The following FOXO3 variants were observed in gnomAD, a reference collection of about 807,000 sequenced individuals.
FOXO3 encodes the protein forkhead box protein O3.
A neutral mutation model predicts 41.9 loss-of-function variants in FOXO3; 4 were observed. That is an observed-to-expected ratio of 0.10 (90% CI 0.05 to 0.22). The LOEUF (loss-of-function observed/expected upper bound fraction) is 0.22, where lower values mean the gene tolerates loss of function less well. Ranked by LOEUF, FOXO3 falls within the 10% of genes least tolerant of loss-of-function variation. FOXO3 has a pLI of 1.00. For missense variants in FOXO3, 534 were observed against 906.8 expected (o/e 0.59, Z 5.28); for synonymous variants, 318 against 389.3 (o/e 0.82, Z 2.16).
In FOXO3 at chr6:108,647,240, AC is replaced by A. The variant is rs752339383; in HGVS notation, c.622-16212del. 1.3e-4 allele frequency among the ~76,000 whole-genome samples: 20 copies of A among 152,304 alleles called. 1 individual carries two copies. The Middle Eastern group carries it at 0.01, about 78-fold the overall frequency. ...GCTTTGGCCAAATTCTTTGGCAGCT[AC>A]CCTAGACTGGAAGCATTAAAAATTG... On this transcript the variant is annotated intron_variant, in intron 1 of 2. Transcript: ENST00000406360.
At chr6:108,652,730 T>C (rs1778580184) in intron 1 of FOXO3, among the ~76,000 whole-genome samples, 1 of 152,256 alleles carries the variant, frequency 6.6e-6, no homozygotes, top group Admixed American at 6.5e-5. Context: ...CATACATGAA[T>C]TTCCTTCAGA....
intron 1 of FOXO3, among the ~76,000 whole-genome samples, chr6:108,562,452 G>C (rs1582722256): frequency 6.6e-6 from 1 of 152,086 alleles, no homozygotes; most frequent in Non-Finnish European, 1.5e-5. Flanking sequence ...TTTTCTTCTC[G>C]GAGATGTCGC....
intron 1 of FOXO3, among the ~76,000 whole-genome samples, chr6:108,661,588 T>A (rs1778866866): frequency 6.6e-6 from 1 of 152,204 alleles, no homozygotes; most frequent in African/African-American, 2.4e-5. Context: ...ACACCCTGAC[T>A]TCATAGCATG....
intron 2 of FOXO3, among the ~76,000 whole-genome samples, chr6:108,670,736 C>G (rs1043368808): frequency 1.3e-5 from 2 of 152,166 alleles, no homozygotes; most frequent in African/African-American, 4.8e-5. Context: ...TAGAGTTTTG[C>G]TGAAAGGAGT....
rs549893932 is a variant in FOXO3, at chr6:108,656,424, A to C, written c.622-7031A>C. The C allele has an allele frequency of 1.6e-5, 16 of 985,262 alleles. No homozygotes were observed. In the Admixed American group the frequency reaches 8.0e-4, roughly 49 times the overall value. 61.0% of individuals were successfully genotyped at this position (985,262 alleles called of 1,614,324 possible). A position where few individuals can be genotyped will look rare whatever the true frequency, so the allele number is the denominator to read the frequency against. ...AGGGTACAAAATTTAAGAAATTACCAGTTACTTCTGACTGGCACGGCACCT... is the reference window on the plus strand; with the variant it reads ...AGGGTACAAAATTTAAGAAATTACCCGTTACTTCTGACTGGCACGGCACCT... On this transcript the variant is annotated intron_variant, in intron 1 of 2. Transcript: ENST00000406360.
chr6:108,566,885 G>A (rs1775960473), intron 1 of FOXO3, among the ~76,000 whole-genome samples: 1 of 152,226 alleles, frequency 6.6e-6, no homozygotes. Context: ...TATACAGTAA[G>A]TGAATGAAAG....
At chr6:108,581,189 A>G (rs922871126) in intron 1 of FOXO3, among the ~76,000 whole-genome samples, 2 of 152,194 alleles carry the variant, frequency 1.3e-5, no homozygotes, top group African/African-American at 4.8e-5. Flanking sequence ...TCTGCTTCAC[A>G]GTTTAAATTA....
chr6:108,595,861 G>A (rs1400937633), intron 1 of FOXO3, among the ~76,000 whole-genome samples: 3 of 152,160 alleles, frequency 2.0e-5, no homozygotes, highest in Non-Finnish European at 4.4e-5. Flanking sequence ...TACCTTGTTA[G>A]TGATGAGTTT....
rs959005245 is a variant in FOXO3 at position 108,561,030 on chromosome 6, G to A, written c.-179G>A. ...CAGCGGGCGAGGACTCGCCGAGGACGGGGCTCCGGCCCGGGATAACCAACT... is the reference window on the plus strand; with the variant it reads ...CAGCGGGCGAGGACTCGCCGAGGACAGGGCTCCGGCCCGGGATAACCAACT... On this transcript the variant is annotated 5_prime_UTR_variant, in exon 1 of 3. Coordinates refer to ENST00000406360, the MANE Select transcript of FOXO3 (RefSeq NM_001455.4). 2.9e-6 allele frequency: 4 copies of A among 1,384,678 alleles called. No homozygotes were observed. The highest frequency in any genetic ancestry group is 3.9e-5 in the Admixed American group (1 of 25,724). 85.8% of individuals were successfully genotyped at this position (1,384,678 alleles called of 1,614,324 possible).
rs375218005 is a variant in FOXO3, at chr6:108,631,627, G to A, written c.622-31828G>A. Among the ~76,000 whole-genome samples the A allele has an allele frequency of 2.8e-4, 42 of 151,492 alleles. No homozygotes were observed. In the East Asian group the frequency reaches 7.0e-3, roughly 25 times the overall value. On this transcript the variant is annotated intron_variant, in intron 1 of 2. Transcript: ENST00000406360. ...TGACATTTTTCCCCCCTTTCCTCTC[G>A]TGAGGACTTTAAAGCAAATCCCAGG...
intron 2 of FOXO3, among the ~76,000 whole-genome samples, chr6:108,678,890 T>TTTTTTTTTTTTTTTTTTTTTTTTTTTTTC (rs368405598): frequency 8.7e-6 from 1 of 115,334 alleles, no homozygotes; most frequent in Admixed American, 1.1e-4. Flanking sequence ...TTTTTTTTTT[T>TTTTTTTTTTTTTTTTTTTTTTTTTTTTTC]TGAGACGGAG....
At chr6:108,561,886 G>A (rs1775804188) in intron 1 of FOXO3, 57 bp downstream of exon 1, 1 of 1,484,128 alleles carries the variant, frequency 6.7e-7, no homozygotes, top group Non-Finnish European at 8.9e-7. Context: ...CGCAGCGCGA[G>A]ACGCGTCTCG....
In FOXO3 at chr6:108,615,494, C is replaced by T. The variant is rs189475617; in HGVS notation, c.622-47961C>T. Among the ~76,000 whole-genome samples, 94 of 151,480 alleles carry T rather than the reference C, an allele frequency of 6.2e-4. 1 individual carries two copies. In the East Asian group the frequency reaches 0.013, roughly 21 times the overall value. ...TCTCTTAATGTCTTTTTTCTTCTGC[C>T]GCTTTTAAGTATTTTTTTTTTGTAT... On this transcript the variant is annotated intron_variant, in intron 1 of 2. Coordinates refer to ENST00000406360, the MANE Select transcript of FOXO3 (RefSeq NM_001455.4).
intron 1 of FOXO3, among the ~76,000 whole-genome samples, chr6:108,591,231 T>C (rs965182359): frequency 6.6e-6 from 1 of 152,208 alleles, no homozygotes; most frequent in Non-Finnish European, 1.5e-5. Flanking sequence ...ACATTGAGAA[T>C]AACCAGGCCT....
chr6:108,683,268 T>C lies in FOXO3; in HGVS notation c.*3476T>C, dbSNP rs1275674108. The stretch of plus-strand genomic sequence containing the variant: ...AGGAGAGGACACCATGGCTTACTAC[T>C]CAGGACAAGTATGCCCCGCTCAGGG... On this transcript the variant is annotated 3_prime_UTR_variant, in exon 3 of 3. Transcript: ENST00000406360. 2.0e-5 allele frequency: 3 copies of C among 152,202 alleles called. No individual in the cohort carries two copies. The highest frequency in any genetic ancestry group is 7.2e-5 in the African/African-American group (3 of 41,416). 9.4% of individuals were successfully genotyped at this position (152,202 alleles called of 1,614,324 possible). A position where few individuals can be genotyped will look rare whatever the true frequency, so the allele number is the denominator to read the frequency against.
intron 1 of FOXO3, among the ~76,000 whole-genome samples, chr6:108,569,562 T>C (rs1034421106): frequency 2.0e-5 from 3 of 152,224 alleles, no homozygotes; most frequent in Non-Finnish European, 4.4e-5. Context: ...TTCTCTGCAG[T>C]GCCTCAGTTA....
At chr6:108,601,916 G>A (rs963514818) in intron 1 of FOXO3, among the ~76,000 whole-genome samples, 5 of 152,134 alleles carry the variant, frequency 3.3e-5, no homozygotes, top group African/African-American at 1.2e-4. Context: ...GTTGTTTTCA[G>A]TTTGGGGCTA....
At chr6:108,611,584 T>A (rs1162214178) in intron 1 of FOXO3, among the ~76,000 whole-genome samples, 1 of 152,238 alleles carries the variant, frequency 6.6e-6, no homozygotes, top group Non-Finnish European at 1.5e-5. Context: ...AGATACCTCA[T>A]TGTAATTTTA....
At chr6:108,650,380 C>A (rs1778514885) in intron 1 of FOXO3, among the ~76,000 whole-genome samples, 1 of 152,114 alleles carries the variant, frequency 6.6e-6, no homozygotes, top group Non-Finnish European at 1.5e-5. Flanking sequence ...GTTCTTTTAG[C>A]CCCTGAGGCA....
Sources: allele counts gnomAD v4.1 joint callset (sites outside exome capture counted in the v4.1 genomes callset), GRCh38; gene constraint gnomAD v4.1.1; transcripts MANE v1.5; gene names NCBI Gene and HGNC (gene_info 2026-07-23, HGNC 2026-07-21).